HYKK: variants seen among roughly 807,000 people sequenced by gnomAD.
HYKK encodes hydroxylysine kinase, also known as 5-hydroxy-L-lysine kinase.
Under a neutral mutation model 29.7 loss-of-function variants are expected in HYKK, and 19 were observed. That is an observed-to-expected ratio of 0.64 (90% confidence interval 0.45 to 0.94). The LOEUF is 0.94. Ranked by LOEUF, HYKK falls within the 40% of genes least tolerant of loss-of-function variation. HYKK has a pLI of 0.00. For synonymous variants in HYKK, 152 were observed against 158.1 expected (o/e 0.96, Z 0.29); for missense variants, 390 against 443.4 (o/e 0.88, Z 1.08).
At chr15:78,531,308 T>A (rs2052309895) in intron 4 of HYKK, among the ~76,000 whole-genome samples, 9 of 152,238 alleles carry the variant, frequency 5.9e-5, no homozygotes, top group Admixed American at 5.9e-4. Context: ...GGTTCATGTG[T>A]GCTTTAAAAG....
intron 3 of HYKK, among the ~76,000 whole-genome samples, chr15:78,522,898 G>C (rs1348871848): frequency 1.3e-5 from 2 of 151,692 alleles, no homozygotes; most frequent in Non-Finnish European, 2.9e-5. Flanking sequence ...AAAGAAAAAA[G>C]AGAGAGAGAG....
chr15:78,518,670 C>T (rs1448379772), intron 3 of HYKK: 1 of 441,468 alleles, frequency 2.3e-6, no homozygotes. Flanking sequence ...ATAATCCCAG[C>T]ACTTTGGGAG....
rs762770296 is a variant in HYKK at position 78,534,821 on chromosome 15, T to C, written c.*1151T>C. On this transcript the variant is annotated 3_prime_UTR_variant, in exon 5 of 5. Transcript: ENST00000388988. ...ACATCCAGGCAAGGCCACTAACCCC[T>C]GAGCTACTTAAATATAATGGTTCCT... The C allele has an allele frequency of 6.6e-6, 1 of 152,188 alleles. No individual in the cohort carries two copies. Among genetic ancestry groups the C allele is most frequent in the Non-Finnish European group, 1.5e-5 (1 of 68,034 alleles). The allele number at this position is 152,188 out of a possible 1,614,324, so 9.4% of individuals were successfully genotyped here. A position where few individuals can be genotyped will look rare whatever the true frequency, so the allele number is the denominator to read the frequency against.
At chr15:78,523,484 G>A (rs115976962) in intron 3 of HYKK, among the ~76,000 whole-genome samples, 101 of 152,262 alleles carry the variant, frequency 6.6e-4, no homozygotes, top group African/African-American at 2.4e-3. Context: ...AGTTTGGCAT[G>A]AGATTTGGTG....
At chr15:78,508,113 C>T (rs1567012149) in intron 1 of HYKK, among the ~76,000 whole-genome samples, 1 of 152,232 alleles carries the variant, frequency 6.6e-6, no homozygotes, top group Non-Finnish European at 1.5e-5. Flanking sequence ...TTTTCCCCTT[C>T]ACCCACCAGG....
chr15:78,518,701 T>C, intron 3 of HYKK: 1 of 408,664 alleles, frequency 2.4e-6, no homozygotes, highest in Admixed American at 2.7e-5. Context: ...GTGGATCACC[T>C]GAAGTCAGGA....
In HYKK at chr15:78,517,043, G is replaced by A. The variant is rs191325043; in HGVS notation, c.477+1936G>A. 4.1e-4 allele frequency among the ~76,000 whole-genome samples: 61 copies of A among 147,820 alleles called. 2 individuals carry two copies. Among genetic ancestry groups the A allele is most frequent in the Admixed American group, 2.0e-3 (30 of 14,942 alleles). The stretch of plus-strand genomic sequence containing the variant: ...CAAAAAAAAAGAAAAAAGAAAGAAA[G>A]AAAGACATTGCTCCACTTCTTGCTT... On this transcript the variant is annotated intron_variant, in intron 3 of 4. Coordinates refer to ENST00000388988, the MANE Select transcript of HYKK (RefSeq NM_001013619.4).
Position 78,535,289 on chromosome 15 carries a change from C to CTTTTTTTTTTT in HYKK, c.*1624_*1634dup, listed in dbSNP as rs58709975. The CTTTTTTTTTTT allele has an allele frequency of 9.2e-5, 12 of 130,960 alleles. No homozygotes were observed. The highest frequency in any genetic ancestry group is 1.7e-4 in the Admixed American group (2 of 11,864). 8.1% of individuals were successfully genotyped at this position (130,960 alleles called of 1,614,324 possible). A position where few individuals can be genotyped will look rare whatever the true frequency, so the allele number is the denominator to read the frequency against. On this transcript the variant is annotated 3_prime_UTR_variant, in exon 5 of 5. Transcript: ENST00000388988. Reference sequence around the variant, plus strand: ...ATTTCTTTTTCTTTTCTTTTCTTTTCTTTTTTTTTTTTTTTGGTGGTGGGG... The same window carrying CTTTTTTTTTTT: ...ATTTCTTTTTCTTTTCTTTTCTTTTCTTTTTTTTTTTTTTTTTTTTTTTTTTGGTGGTGGGG...
intron 3 of HYKK, among the ~76,000 whole-genome samples, chr15:78,524,513 G>A (rs2052229373): frequency 1.3e-5 from 2 of 152,328 alleles, no homozygotes; most frequent in South Asian, 4.1e-4. Context: ...TCTCTGAAAT[G>A]ACTTCAAGAA....
downstream of HYKK, chr15:78,537,312 T>C: frequency 1.5e-6 from 1 of 666,060 alleles, no homozygotes; most frequent in Non-Finnish European, 2.8e-6. Context: ...CCTAGCACCG[T>C]GCCAGGCCCC....
At chr15:78,513,753 T>G (rs2052099227) in intron 2 of HYKK, among the ~76,000 whole-genome samples, 1 of 152,122 alleles carries the variant, frequency 6.6e-6, no homozygotes, top group Non-Finnish European at 1.5e-5. Flanking sequence ...TTGTTTCGTA[T>G]TTTTTGTTTG....
intron 3 of HYKK, among the ~76,000 whole-genome samples, chr15:78,526,577 G>A (rs189163896): frequency 5.3e-5 from 8 of 152,346 alleles, no homozygotes; most frequent in East Asian, 1.9e-4. Flanking sequence ...AGGTGGGAAC[G>A]TGCCTAGCAT....
chr15:78,526,878 C>T lies in HYKK; in HGVS notation c.478-502C>T, dbSNP rs1375221014. 6.6e-5 allele frequency among the ~76,000 whole-genome samples: 10 copies of T among 152,202 alleles called. No individual in the cohort carries two copies. In the South Asian group the frequency reaches 2.1e-3, roughly 31 times the overall value. ...CAATGACCATGAGAGAATGCCAGCT[C>T]TCTCCCTCACAGACTCCCTGGCCAG... On this transcript the variant is annotated intron_variant, in intron 3 of 4. Coordinates refer to ENST00000388988, the MANE Select transcript of HYKK (RefSeq NM_001013619.4).
chr15:78,537,166 C>T (rs1296642574), downstream of HYKK: 1 of 438,712 alleles, frequency 2.3e-6, no homozygotes, highest in Non-Finnish European at 4.2e-6. Context: ...GACTTCCTAG[C>T]CTCCATAATT....
chr15:78,530,254 G>C (rs2052298479), intron 4 of HYKK, among the ~76,000 whole-genome samples: 1 of 150,236 alleles, frequency 6.7e-6, no homozygotes, highest in Non-Finnish European at 1.5e-5. Context: ...AGGCTGGAGT[G>C]CAGTGGTGCA....
chr15:78,537,315 C>A, downstream of HYKK: 1 of 664,138 alleles, frequency 1.5e-6, no homozygotes, highest in Non-Finnish European at 2.8e-6. Context: ...AGCACCGTGC[C>A]AGGCCCCTAG....
intron 3 of HYKK, among the ~76,000 whole-genome samples, chr15:78,517,109 C>CTTTTTTTTTT (rs34680285): frequency 3.7e-5 from 4 of 108,404 alleles, no homozygotes; most frequent in Non-Finnish European, 3.7e-5. Context: ...TTCTTTCTTT[C>CTTTTTTTTTT]TTTTTTTTTT....
At chr15:78,516,859 A>G (rs2052138624) in intron 3 of HYKK, among the ~76,000 whole-genome samples, 1 of 151,874 alleles carries the variant, frequency 6.6e-6, no homozygotes, top group African/African-American at 2.4e-5. Context: ...TGTCTCTACT[A>G]AAAATACAAA....
intron 4 of HYKK, 96 bp from the exon 5 acceptor site, chr15:78,533,114 G>C: frequency 1.4e-6 from 1 of 730,204 alleles, no homozygotes; most frequent in South Asian, 1.9e-5. Flanking sequence ...ATCTCTGACT[G>C]CTCATCAAAT....
Sources: gnomAD v4.1 joint callset for allele counts (sites outside exome capture counted in the v4.1 genomes callset) on GRCh38, gnomAD v4.1.1 for gene constraint, MANE v1.5 for transcripts, NCBI Gene and HGNC (gene_info 2026-07-23, HGNC 2026-07-21) for gene names.